The following NOD2 variants were observed in gnomAD, a reference collection of about 807,000 sequenced individuals.
NOD2 encodes nucleotide-binding oligomerization domain-containing protein 2.
NOD2 carries 86 observed loss-of-function variants against 90.9 expected under a neutral mutation model. The ratio of observed to expected loss-of-function variants is 0.95; its 90% CI spans 0.79 to 1.13. The LOEUF (loss-of-function observed/expected upper bound fraction) is 1.13. Among genes scored for constraint, NOD2 ranks in the 50% most tolerant of loss-of-function variants. NOD2 has a pLI of 0.00. For missense variants in NOD2, 1,238 were observed against 1,283.8 expected (o/e 0.96, Z 0.55); for synonymous variants, 581 against 554.6 (o/e 1.05, Z -0.67).
chr16:50,712,235 G>A lies in NOD2; in HGVS notation c.2243G>A (p.Gly748Asp). Residue 748 changes from glycine to aspartate, a missense_variant, in exon 4 of 12, where the codon GGC (glycine) becomes GAC (aspartate). Around this residue, in one of 3 missense-constraint regions of NOD2, gnomAD observed 667 missense variants for 688.7 expected, o/e 0.97. Transcript: ENST00000647318. ...GHLKLTFCSV[G>D]PTECAALAFV... ...CTCAAGTTGACATTTTGCAGTGTGG[G>A]CCCCACTGAGTGTGCTGCCCTGGCC... is the stretch of plus-strand genomic sequence containing the variant. The A allele has an allele frequency of 1.9e-6, 3 of 1,613,842 alleles. No homozygotes were observed. The highest frequency in any genetic ancestry group is 8.5e-7 in the Non-Finnish European group (1 of 1,180,038).
At chr16:50,726,667 C>T (rs567533059) in intron 10 of NOD2, among the ~76,000 whole-genome samples, 24 of 152,320 alleles carry the variant, frequency 1.6e-4, no homozygotes, top group Admixed American at 1.4e-3. Flanking sequence ...ACTTGACTCC[C>T]ATGGATGCCA....
chr16:50,727,778 A>C (rs1965317978), intron 10 of NOD2: 1 of 341,878 alleles, frequency 2.9e-6, no homozygotes, highest in Non-Finnish European at 5.8e-6. Flanking sequence ...CAGGTGTTGC[A>C]GTTTTCAGTG....
At chr16:50,703,974 C>T (rs1018411051) in intron 2 of NOD2, among the ~76,000 whole-genome samples, 1 of 152,102 alleles carries the variant, frequency 6.6e-6, no homozygotes, top group Non-Finnish European at 1.5e-5. Flanking sequence ...GGTAAAGTTG[C>T]CAAAGGCTAT....
At chr16:50,701,471 A>G (rs1224256856) in intron 2 of NOD2, among the ~76,000 whole-genome samples, 1 of 152,266 alleles carries the variant, frequency 6.6e-6, no homozygotes, top group African/African-American at 2.4e-5. Flanking sequence ...AAGCTGGCTC[A>G]CATGGCTAGG....
chr16:50,727,176 T>A (rs1208795365), intron 10 of NOD2, among the ~76,000 whole-genome samples: 2 of 150,910 alleles, frequency 1.3e-5, no homozygotes, highest in Non-Finnish European at 3.0e-5. Context: ...AATAATAATT[T>A]AAAAAAAAGA....
At chr16:50,698,345 C>T (rs892383324) in intron 1 of NOD2, among the ~76,000 whole-genome samples, 13 of 152,112 alleles carry the variant, frequency 8.5e-5, no homozygotes, top group African/African-American at 1.2e-4. Context: ...AGTCTGTGCA[C>T]GGTGGTTTCG....
chr16:50,723,417 T>C (rs769737622), intron 9 of NOD2, 33 bp downstream of exon 9: 1 of 1,586,294 alleles, frequency 6.3e-7, no homozygotes, highest in South Asian at 1.1e-5. Context: ...TCTGGGGAAG[T>C]GGATCACAAT....
At chr16:50,726,347 G>A (rs939303804) in intron 10 of NOD2, among the ~76,000 whole-genome samples, 5 of 152,206 alleles carry the variant, frequency 3.3e-5, no homozygotes, top group African/African-American at 1.2e-4. Flanking sequence ...CTAGGAAAAC[G>A]CTTGCCTTTA....
chr16:50,720,866 A>G (rs1394505781), intron 7 of NOD2, among the ~76,000 whole-genome samples: 1 of 151,946 alleles, frequency 6.6e-6, no homozygotes, highest in African/African-American at 2.4e-5. Context: ...GTGCAGTGGC[A>G]CGATCTTGGC....
intron 2 of NOD2, 31 bp downstream of exon 2, chr16:50,699,985 T>C: frequency 6.3e-7 from 1 of 1,587,392 alleles, no homozygotes; most frequent in Non-Finnish European, 8.6e-7. Flanking sequence ...ATCACAGAGT[T>C]CTCAGGAAAG....
chr16:50,712,119 G>T lies in NOD2; in HGVS notation c.2127G>T (p.Met709Ile), dbSNP rs1251822561. 1 of 1,614,038 alleles carries T rather than the reference G, an allele frequency of 6.2e-7. No homozygotes were observed. Among genetic ancestry groups the T allele is most frequent in the East Asian group, 2.2e-5 (1 of 44,890 alleles). ...APGEAKSVHA[M>I]PGFIWLIRSL... ...GTGAGGCCAAGAGCGTGCATGCCATGCCCGGGTTCATCTGGCTCATCCGGA... is the reference window on the plus strand; with the variant it reads ...GTGAGGCCAAGAGCGTGCATGCCATTCCCGGGTTCATCTGGCTCATCCGGA... The change falls in exon 4 of 12, where the codon ATG becomes ATT. Residue 709 changes from methionine to isoleucine, a missense_variant. Physicochemically the swap from Met to Ile is conservative, Grantham distance 10. Transcript: ENST00000647318.
At chr16:50,695,838 G>T (rs1474258053) in intron 1 of NOD2, among the ~76,000 whole-genome samples, 2 of 152,098 alleles carry the variant, frequency 1.3e-5, no homozygotes, top group East Asian at 3.9e-4. Flanking sequence ...AGTTTCACTG[G>T]AGCTGGATGG....
Position 50,699,830 on chromosome 16 carries a change from C to T in NOD2, c.335C>T (p.Pro112Leu), listed in dbSNP as rs1963852591. The change falls in exon 2 of 12, where the codon CCA (proline) becomes CTA (leucine). Residue 112 changes from proline (P) to leucine (L), a missense_variant. Physicochemically the swap from Pro to Leu is moderately conservative, Grantham distance 98. Transcript: ENST00000647318. ...GCCCGAGACCTGCAGAGTCACCGGC[C>T]AGCCATTGTCAGGAGGCTCCACAGC... ...HPARDLQSHR[P>L]AIVRRLHSHV... 3.7e-6 allele frequency: 6 copies of T among 1,613,584 alleles called. No homozygotes were observed. In the East Asian group the frequency reaches 1.3e-4, roughly 36 times the overall value.
chr16:50,723,140 A>G (rs554414978), intron 8 of NOD2, among the ~76,000 whole-genome samples, 161 bp from the exon 9 acceptor site: 23 of 56,168 alleles, frequency 4.1e-4, no homozygotes, highest in Non-Finnish European at 6.6e-4. Context: ...AAAAGGGTAG[A>G]AAAAAAAAAA....
rs755795167 is a variant in NOD2 at position 50,699,706 on chromosome 16, T to C, written c.211T>C (p.Trp71Arg). 5 of 1,614,138 alleles carry C rather than the reference T, an allele frequency of 3.1e-6. No individual in the cohort carries two copies. The South Asian group carries it at 5.5e-5, about 18-fold the overall frequency. Reference sequence around the variant, plus strand: ...GGACACCGTCTGGAATAAGGGTACTTGGGCCTGTCAGAAGCTCATCGCGGC... The same window carrying C: ...GGACACCGTCTGGAATAAGGGTACTCGGGCCTGTCAGAAGCTCATCGCGGC... Reference protein sequence around the residue: ...LLDTVWNKGTWACQKLIAAAQ... With the variant: ...LLDTVWNKGTRACQKLIAAAQ... Residue 71 changes from tryptophan (W) to arginine (R), a missense_variant, in exon 2 of 12, where the codon TGG (tryptophan) becomes CGG (arginine). By Grantham distance (101) the Trp-to-Arg change is moderately radical. Coordinates refer to ENST00000647318, the MANE Select transcript of NOD2 (RefSeq NM_001370466.1).
At chr16:50,701,468 C>T (rs1285240050) in intron 2 of NOD2, among the ~76,000 whole-genome samples, 1 of 152,212 alleles carries the variant, frequency 6.6e-6, no homozygotes, top group Non-Finnish European at 1.5e-5. Context: ...CTAAAGCTGG[C>T]TCACATGGCT....
At chr16:50,727,716 G>T in intron 10 of NOD2, 2 of 352,716 alleles carry the variant, frequency 5.7e-6, no homozygotes, top group Non-Finnish European at 1.1e-5. Context: ...GTGACATGCA[G>T]TCGGGTGTTG....
In NOD2 at chr16:50,699,850, C is replaced by T. The variant is rs1167393288; in HGVS notation, c.355C>T (p.His119Tyr). 6.2e-7 allele frequency: 1 copy of T among 1,613,590 alleles called. No individual in the cohort carries two copies. Among genetic ancestry groups the T allele is most frequent in the Non-Finnish European group, 8.5e-7 (1 of 1,179,996 alleles). The change falls in exon 2 of 12, where the codon CAC (histidine) becomes TAC (tyrosine). Residue 119 changes from histidine (H) to tyrosine (Y), a missense_variant. Physicochemically the swap from His to Tyr is moderately conservative, Grantham distance 83. Coordinates refer to ENST00000647318, the MANE Select transcript of NOD2 (RefSeq NM_001370466.1). ...SHRPAIVRRL[H>Y]SHVENMLDLA... is the part of the protein sequence containing the mutation. The stretch of plus-strand genomic sequence containing the variant: ...CCGGCCAGCCATTGTCAGGAGGCTC[C>T]ACAGCCATGTGGAGAACATGCTGGA...
intron 1 of NOD2, among the ~76,000 whole-genome samples, chr16:50,695,172 TAAGGGCAGAAGG>T (rs1318172768): frequency 3.5e-5 from 5 of 143,016 alleles, no homozygotes; most frequent in Admixed American, 2.8e-4. Context: ...GGGGGTGGGG[TAAGGGCAGAAGG>T]AGAGCCCGTT....
Sources: gnomAD v4.1 joint callset for allele counts (sites outside exome capture counted in the v4.1 genomes callset) on GRCh38, gnomAD v4.1.1 for gene constraint, gnomAD v4.1.1 regional missense constraint, MANE v1.5 for transcripts, NCBI Gene and HGNC (gene_info 2026-07-23, HGNC 2026-07-21) for gene names.